FAT3: variants seen among roughly 807,000 people sequenced by gnomAD.
FAT3 encodes the protein protocadherin Fat 3.
Under a neutral mutation model 310.2 loss-of-function variants are expected in FAT3, and 95 were observed. The observed-to-expected ratio is 0.31, with a 90% CI of 0.26 to 0.36. FAT3 has a LOEUF of 0.36. Among genes scored for constraint, FAT3 ranks in the 10% least tolerant of loss-of-function variants. FAT3 has a pLI of 1.00. For missense variants in FAT3, 5,408 were observed against 5,715.6 expected (o/e 0.95, Z 1.74); for synonymous variants, 2,314 against 2,192.9 (o/e 1.06, Z -1.54).
intron 14 of FAT3, among the ~76,000 whole-genome samples, chr11:92,833,877 G>A (rs974649817): frequency 6.6e-6 from 1 of 152,176 alleles, no homozygotes; most frequent in African/African-American, 2.4e-5. Flanking sequence ...ATAAGCACTA[G>A]GGGTGGTAAG....
intron 1 of FAT3, among the ~76,000 whole-genome samples, chr11:92,331,054 C>T (rs879769738): frequency 1.9e-4 from 28 of 149,148 alleles, no homozygotes; most frequent in Non-Finnish European, 3.3e-4. Flanking sequence ...TTATTTAATG[C>T]TATACACAGT....
chr11:92,731,108 C>T (rs1185163593), intron 4 of FAT3, among the ~76,000 whole-genome samples: 5 of 152,180 alleles, frequency 3.3e-5, no homozygotes, highest in African/African-American at 1.2e-4. Context: ...CAGTCCAACA[C>T]CCTTTATCCT....
At chr11:92,231,638 A>C (rs1403255540) in intron 1 of FAT3, among the ~76,000 whole-genome samples, 1 of 152,188 alleles carries the variant, frequency 6.6e-6, no homozygotes, top group Non-Finnish European at 1.5e-5. Flanking sequence ...AAAAGTGAGC[A>C]CTCTGGAGCA....
chr11:92,353,672 C>A lies in FAT3; in HGVS notation c.1560C>A (p.Val520=), dbSNP rs1052725395. The part of the protein sequence containing the change: ...SIASLNLLPF[V]INQFTGVIST... ...CTAGCCTGAATTTGTTACCATTTGT[C>A]ATTAATCAGTTTACAGGTGTTATTA... Residue 520 remains valine (V), a synonymous_variant, in exon 2 of 28, where the codon GTC becomes GTA. Coordinates refer to ENST00000525166, the MANE Select transcript of FAT3 (RefSeq NM_001367949.2). The A allele has an allele frequency of 1.2e-6, 2 of 1,613,762 alleles. No homozygotes were observed. The highest frequency in any genetic ancestry group is 2.7e-5 in the African/African-American group (2 of 74,920).
At chr11:92,654,842 CCAA>C (rs1189230161) in intron 3 of FAT3, among the ~76,000 whole-genome samples, 1 of 152,132 alleles carries the variant, frequency 6.6e-6, no homozygotes, top group Non-Finnish European at 1.5e-5. Flanking sequence ...TATTTATCAC[CCAA>C]CAACAACTTC....
chr11:92,843,519 T>C (rs181773049), intron 18 of FAT3, among the ~76,000 whole-genome samples: 2 of 152,372 alleles, frequency 1.3e-5, no homozygotes, highest in East Asian at 1.9e-4. Flanking sequence ...AGAAAGGTGC[T>C]ATCTGGGTCC....
intron 1 of FAT3, among the ~76,000 whole-genome samples, chr11:92,265,589 A>G (rs1431999132): frequency 1.3e-5 from 2 of 152,044 alleles, no homozygotes; most frequent in African/African-American, 4.8e-5. Context: ...GGGCTGCTAT[A>G]ACCAAAATAC....
chr11:92,880,591 A>G lies in FAT3; in HGVS notation c.12128-140A>G, dbSNP rs1016411016. 5 of 962,920 alleles carry G rather than the reference A, an allele frequency of 5.2e-6. No homozygotes were observed. The African/African-American group carries it at 8.4e-5, about 16-fold the overall frequency. The allele number at this position is 962,920 out of a possible 1,614,324, so 59.6% of individuals were successfully genotyped here. A position where few individuals can be genotyped will look rare whatever the true frequency, so the allele number is the denominator to read the frequency against. Reference sequence around the variant, plus strand: ...TTGTGGCAAGATGTTTCAAGCAATCAATTTGCTAACCACCTTTGGAATTTG... The same window carrying G: ...TTGTGGCAAGATGTTTCAAGCAATCGATTTGCTAACCACCTTTGGAATTTG... On this transcript the variant is annotated intron_variant, in intron 22 of 27. Transcript: ENST00000525166.
intron 4 of FAT3, among the ~76,000 whole-genome samples, chr11:92,717,330 A>G (rs190605747): frequency 3.5e-4 from 53 of 152,310 alleles, no homozygotes; most frequent in African/African-American, 1.2e-3. Flanking sequence ...TTTGCTTTCC[A>G]ATGGGGGTCC....
At chr11:92,613,099 A>G (rs1238162181) in intron 3 of FAT3, among the ~76,000 whole-genome samples, 4 of 152,184 alleles carry the variant, frequency 2.6e-5, no homozygotes, top group South Asian at 4.1e-4. Context: ...GGATTCTAAG[A>G]TCAGAGTTTC....
intron 2 of FAT3, among the ~76,000 whole-genome samples, chr11:92,506,915 G>A (rs1254809886): frequency 1.3e-5 from 2 of 152,140 alleles, no homozygotes; most frequent in Non-Finnish European, 2.9e-5. Context: ...GTGACAACAG[G>A]CTAATATTAA....
At chr11:92,328,747 C>T (rs1017434641) in intron 1 of FAT3, among the ~76,000 whole-genome samples, 11 of 152,140 alleles carry the variant, frequency 7.2e-5, no homozygotes, top group Admixed American at 1.3e-4. Context: ...AGGTTTGCAG[C>T]CATAAAACAT....
chr11:92,292,360 C>A (rs913691542), intron 1 of FAT3, among the ~76,000 whole-genome samples: 7 of 151,882 alleles, frequency 4.6e-5, no homozygotes, highest in African/African-American at 1.5e-4. Context: ...CTGTATTTTT[C>A]CTCAAATTTT....
intron 3 of FAT3, among the ~76,000 whole-genome samples, chr11:92,689,372 C>T (rs150904017): frequency 1.3e-4 from 20 of 152,218 alleles, no homozygotes; most frequent in East Asian, 5.8e-4. Context: ...GGGAGAAGTG[C>T]GCCATATTGC....
chr11:92,512,242 G>T (rs946718562), intron 2 of FAT3, among the ~76,000 whole-genome samples: 1 of 151,886 alleles, frequency 6.6e-6, no homozygotes, highest in African/African-American at 2.4e-5. Flanking sequence ...GTTGCCAAAA[G>T]ACAAAATCAC....
chr11:92,442,511 A>G (rs932327832), intron 2 of FAT3, among the ~76,000 whole-genome samples: 3 of 152,130 alleles, frequency 2.0e-5, no homozygotes, highest in African/African-American at 7.2e-5. Context: ...ATGCATCTAT[A>G]GCCTCCCTGC....
At chr11:92,749,868 T>C (rs1476076723) in intron 4 of FAT3, among the ~76,000 whole-genome samples, 1 of 152,226 alleles carries the variant, frequency 6.6e-6, no homozygotes, top group African/African-American at 2.4e-5. Flanking sequence ...GGCATATTGT[T>C]TTAAATCAAT....
At chr11:92,471,946 TA>T (rs1951918320) in intron 2 of FAT3, among the ~76,000 whole-genome samples, 2 of 110,028 alleles carry the variant, frequency 1.8e-5, no homozygotes, top group Admixed American at 9.9e-5. Context: ...TATATATATA[TA>T]TATATATATT....
intron 2 of FAT3, among the ~76,000 whole-genome samples, chr11:92,456,388 T>C (rs945700982): frequency 1.3e-5 from 2 of 152,180 alleles, no homozygotes; most frequent in Admixed American, 6.5e-5. Context: ...ATGTATAACA[T>C]GTAGTCAAAG....
Sources: gnomAD v4.1 joint callset for allele counts (sites outside exome capture counted in the v4.1 genomes callset) on GRCh38, gnomAD v4.1.1 for gene constraint, MANE v1.5 for transcripts, NCBI Gene and HGNC (gene_info 2026-07-23, HGNC 2026-07-21) for gene names.